UROC1: variants seen among roughly 807,000 people sequenced by gnomAD.
UROC1 encodes the protein urocanate hydratase 1, also known as urocanate hydratase.
Under a neutral mutation model 89.5 loss-of-function variants are expected in UROC1, and 79 were observed. That is an observed-to-expected ratio of 0.88 (90% CI 0.74 to 1.06). The LOEUF is 1.06. Among genes scored for constraint, UROC1 ranks in the 50% least tolerant of loss-of-function variants. The pLI is 0.00. For missense variants in UROC1, 885 were observed against 907.8 expected, an observed-to-expected ratio of 0.97 and a Z score of 0.32; for synonymous variants, 361 against 354.8, an observed-to-expected ratio of 1.02 and a Z score of -0.20.
At chr3:126,497,986 T>C (rs13098666) in intron 14 of UROC1, 65 bp downstream of exon 14, 1 of 1,611,880 alleles carries the variant, frequency 6.2e-7, no homozygotes, top group East Asian at 2.2e-5. Context: ...TAGAAGCTTG[T>C]CTCTATGGAG....
In UROC1 at chr3:126,483,406, C is replaced by G; in HGVS notation, c.1853G>C (p.Arg618Thr). ...VLDGTPEAEG[R>T]ARLMLSWDVS... ...ATCCCAGCTGAGCATCAGCCTGGCT[C>G]TCCCCTCGGCCTCCGGGGTACCGTC... Residue 618 changes from arginine (R) to threonine (T), a missense_variant, in exon 19 of 20, where the codon AGA becomes ACA. By Grantham distance (71) the Arg-to-Thr change is moderately conservative (BLOSUM62 -1). Coordinates refer to ENST00000290868, the MANE Select transcript of UROC1 (RefSeq NM_144639.3). 1 of 1,613,740 alleles carries G rather than the reference C, an allele frequency of 6.2e-7. No individual in the cohort carries two copies. The highest frequency in any genetic ancestry group is 8.5e-7 in the Non-Finnish European group (1 of 1,180,044).
Position 126,482,095 on chromosome 3 carries a change from A to C in UROC1, c.*250T>G, listed in dbSNP as rs1014997831. ...AGGCTTGGGACTTGGCCCTAAATGG[A>C]CTTTGACAGCCTTCAGGGCTCCCAT... On this transcript the variant is annotated 3_prime_UTR_variant, in exon 20 of 20. Transcript: ENST00000290868. 4 of 575,314 alleles carry C rather than the reference A, an allele frequency of 7.0e-6. No homozygotes were observed. The highest frequency in any genetic ancestry group is 1.2e-5 in the Non-Finnish European group (4 of 326,560). 35.6% of individuals were successfully genotyped at this position (575,314 alleles called of 1,614,324 possible).
At chr3:126,502,343 TTG>T (rs766967626) in intron 9 of UROC1, among the ~76,000 whole-genome samples, 18 of 150,064 alleles carry the variant, frequency 1.2e-4, no homozygotes, top group Non-Finnish European at 2.2e-4. Flanking sequence ...TTGTGTGCGT[TTG>T]TGTGTTTGTG....
At chr3:126,491,835 A>G (rs1170077744) in intron 16 of UROC1, among the ~76,000 whole-genome samples, 1 of 152,218 alleles carries the variant, frequency 6.6e-6, no homozygotes, top group Non-Finnish European at 1.5e-5. Context: ...ACTTTGTGGA[A>G]GCTGACTCAC....
intron 14 of UROC1, among the ~76,000 whole-genome samples, chr3:126,497,269 C>T (rs1413827362): frequency 2.6e-5 from 4 of 152,326 alleles, no homozygotes; most frequent in East Asian, 1.9e-4. Context: ...AAAAGCCACC[C>T]GACCTGCAGG....
At chr3:126,499,678 G>A (rs528804546) in intron 12 of UROC1, among the ~76,000 whole-genome samples, 16 of 152,356 alleles carry the variant, frequency 1.1e-4, no homozygotes, top group African/African-American at 3.8e-4. Flanking sequence ...GGGCTGGGGG[G>A]GCTTCCCACT....
chr3:126,493,882 G>C (rs1935713760), intron 15 of UROC1, among the ~76,000 whole-genome samples: 2 of 152,216 alleles, frequency 1.3e-5, no homozygotes, highest in Non-Finnish European at 2.9e-5. Flanking sequence ...ACCAGGAGCC[G>C]GTAAAAGGCA....
chr3:126,497,247 T>G (rs1576718449), intron 14 of UROC1, among the ~76,000 whole-genome samples: 1 of 152,148 alleles, frequency 6.6e-6, no homozygotes, highest in South Asian at 2.1e-4. Flanking sequence ...CAGAGGCTGG[T>G]GAACCACACA....
chr3:126,495,321 C>T (rs141817070), intron 15 of UROC1, among the ~76,000 whole-genome samples: 1 of 152,310 alleles, frequency 6.6e-6, no homozygotes, highest in African/African-American at 2.4e-5. Context: ...CATCCCCCAG[C>T]CCCTGGCACC....
chr3:126,496,160 G>A (rs1197785479), intron 14 of UROC1, 52 bp from the exon 15 acceptor site: 2 of 1,574,550 alleles, frequency 1.3e-6, no homozygotes, highest in South Asian at 2.3e-5. Context: ...GCACAGACCT[G>A]CCCTCAGGCA....
intron 14 of UROC1, 53 bp downstream of exon 14, chr3:126,497,998 C>T (rs1421335985): frequency 2.0e-5 from 33 of 1,612,998 alleles, no homozygotes; most frequent in Non-Finnish European, 2.7e-5. Flanking sequence ...TCTATGGAGG[C>T]AGAAGCTTTG....
At chr3:126,509,238 T>C (rs1241614439) in intron 3 of UROC1, among the ~76,000 whole-genome samples, 2 of 122,572 alleles carry the variant, frequency 1.6e-5, no homozygotes, top group African/African-American at 6.1e-5. Context: ...CCTGTCTCTC[T>C]AAAAAAAAAA....
Position 126,482,417 on chromosome 3 carries a change from G to A in UROC1, c.1959C>T (p.Asn653=), listed in dbSNP as rs1935409194. The change falls in exon 20 of 20, where the codon AAC becomes AAT. Residue 653 remains asparagine (N), a synonymous_variant. Transcript: ENST00000290868. The stretch of plus-strand genomic sequence containing the variant: ...GAGGCAGTGTCACCACCAAGGTGCT[G>A]TTCTCCTGCATGGTCTGGCAGATGA... ...YEIICQTMQE[N]STLVVTLPHK... is the part of the protein sequence containing the mutation. 7 of 1,614,046 alleles carry A rather than the reference G, an allele frequency of 4.3e-6. No homozygotes were observed. The highest frequency in any genetic ancestry group is 5.9e-6 in the Non-Finnish European group (7 of 1,180,016).
rs562492075 is a variant in UROC1 at position 126,489,504 on chromosome 3, A to C, written c.1609-129T>G. 44 of 744,780 alleles carry C rather than the reference A, an allele frequency of 5.9e-5. 1 individual carries two copies. The South Asian group carries it at 6.3e-4, about 11-fold the overall frequency. 46.1% of individuals were successfully genotyped at this position (744,780 alleles called of 1,614,324 possible). A position where few individuals can be genotyped will look rare whatever the true frequency, so the allele number is the denominator to read the frequency against. On this transcript the variant is annotated intron_variant, in intron 16 of 19. Coordinates refer to ENST00000290868, the MANE Select transcript of UROC1 (RefSeq NM_144639.3). ...TCCTCCTGGAAAATAGACCCTCTTCACAACTATTTCTGATGTCATCTGTAG... is the reference window on the plus strand; with the variant it reads ...TCCTCCTGGAAAATAGACCCTCTTCCCAACTATTTCTGATGTCATCTGTAG...
intron 6 of UROC1, among the ~76,000 whole-genome samples, chr3:126,506,335 G>A (rs527669456): frequency 2.0e-5 from 3 of 152,252 alleles, no homozygotes; most frequent in South Asian, 4.1e-4. Flanking sequence ...ACATGCTTAC[G>A]CCAGGCAGAG....
rs1489636165 is a variant in UROC1 at position 126,505,759 on chromosome 3, A to G, written c.755T>C (p.Met252Thr). ...KVFVTSGLGG[M>T]SGAQAKAAVI... is the part of the protein sequence containing the mutation. ...TGCGGCCTTGGCCTGAGCCCCACTC[A>G]TTCCGCCGAGCCCAGAGGTGACAAA... The change falls in exon 8 of 20, where the codon ATG becomes ACG. Residue 252 changes from methionine to threonine, a missense_variant. Transcript: ENST00000290868. The G allele has an allele frequency of 6.2e-7, 1 of 1,613,756 alleles. No homozygotes were observed. Among genetic ancestry groups the G allele is most frequent in the Non-Finnish European group, 8.5e-7 (1 of 1,180,000 alleles).
At chr3:126,502,753 T>C (rs1185966616) in intron 9 of UROC1, among the ~76,000 whole-genome samples, 1 of 105,008 alleles carries the variant, frequency 9.5e-6, no homozygotes, top group East Asian at 2.9e-4. Flanking sequence ...TGCATGTGTA[T>C]GTTGTGTGTG....
Position 126,501,267 on chromosome 3 carries a change from T to A in UROC1, c.916A>T (p.Lys306Ter), listed in dbSNP as rs1286543358. The change falls in exon 10 of 20, where the codon AAA becomes TAA. Residue 306 changes from lysine to a stop codon, truncating the protein, a stop_gained. Transcript: ENST00000290868. LOFTEE classifies it high-confidence loss of function. The part of the protein sequence containing the change: ...CIQRLREARK[K>*]KEVLSLGYHG... ...TAACCAAGGCTGAGCACCTCCTTTT[T>A]TTTCCTTGCTTCCCTGGAAGGACAC... 1.9e-6 allele frequency: 3 copies of A among 1,614,062 alleles called. No homozygotes were observed. In the African/African-American group the frequency reaches 4.0e-5, roughly 22 times the overall value.
rs570139419 is a variant in UROC1 at position 126,506,852 on chromosome 3, C to T, written c.603-841G>A. 2.6e-5 allele frequency among the ~76,000 whole-genome samples: 4 copies of T among 152,216 alleles called. No individual in the cohort carries two copies. The East Asian group carries it at 5.8e-4, about 22-fold the overall frequency. On this transcript the variant is annotated intron_variant, in intron 6 of 19. Transcript: ENST00000290868. ...CAACACTTTGGAAGGCAGAGGTGGG[C>T]GGATCAACTGAGGTCAGCGGTTCGA...
Sources: gnomAD v4.1 joint callset for allele counts (sites outside exome capture counted in the v4.1 genomes callset) on GRCh38, gnomAD v4.1.1 for gene constraint, MANE v1.5 for transcripts, NCBI Gene and HGNC (gene_info 2026-07-23, HGNC 2026-07-21) for gene names.